The following GRIP2 variants were observed in gnomAD, a reference collection of about 807,000 sequenced individuals.
The protein encoded by GRIP2 is glutamate receptor-interacting protein 2.
A neutral mutation model predicts 108.3 loss-of-function variants in GRIP2; 58 were observed. The ratio of observed to expected loss-of-function variants is 0.54; its 90% CI spans 0.43 to 0.67. The LOEUF (loss-of-function observed/expected upper bound fraction) is 0.67, where lower values mean the gene tolerates loss of function less well. Ranked by LOEUF, GRIP2 falls within the 30% of genes least tolerant of loss-of-function variation. The probability of loss-of-function intolerance (pLI) is 0.00; values close to 1 mark genes in which losing one functional copy is unlikely to be tolerated. For missense variants in GRIP2, 1,278 were observed against 1,430.6 expected (o/e 0.89, Z 1.72); for synonymous variants, 586 against 598.2 (o/e 0.98, Z 0.30).
At chr3:14,508,435 G>C (rs1450745477) in intron 17 of GRIP2, among the ~76,000 whole-genome samples, 2 of 152,230 alleles carry the variant, frequency 1.3e-5, no homozygotes, top group Non-Finnish European at 2.9e-5. Context: ...GCTGTAGCAG[G>C]TGCTTAGAGT....
Position 14,511,272 on chromosome 3 carries a change from A to G in GRIP2, c.1826T>C (p.Ile609Thr). 1.2e-6 allele frequency: 2 copies of G among 1,613,954 alleles called. No individual in the cohort carries two copies. The highest frequency in any genetic ancestry group is 1.7e-6 in the Non-Finnish European group (2 of 1,179,866). Residue 609 changes from isoleucine (I) to threonine (T), a missense_variant, in exon 16 of 24, where the codon ATT becomes ACT. By Grantham distance (89) the Ile-to-Thr change is moderately conservative. Transcript: ENST00000621039. This position sits in a 1 kb window ranked among gnomAD's most constrained non-coding sequence, Gnocchi z 4.1. ...TLEPGDKLLA[I>T]DNIRLDNCPM... is the part of the protein sequence containing the mutation. ...GCAGTTGTCCAGGCGGATATTGTCAATGGCCAGTAGCTTGTCGCCTGGCTC... is the reference window on the plus strand; with the variant it reads ...GCAGTTGTCCAGGCGGATATTGTCAGTGGCCAGTAGCTTGTCGCCTGGCTC...
chr3:14,593,936 G>A, the GRIP2 span, among the ~76,000 whole-genome samples: 2 of 152,206 alleles, frequency 1.3e-5, no homozygotes, highest in Non-Finnish European at 2.9e-5. Flanking sequence ...CTATTTGCAT[G>A]ACCCTGATGG....
chr3:14,563,563 T>C, the GRIP2 span, among the ~76,000 whole-genome samples: 364 of 152,060 alleles, frequency 2.4e-3, 1 homozygote, highest in African/African-American at 8.4e-3. Flanking sequence ...AGGATCTGGC[T>C]TTTCCTCTGA....
chr3:14,531,843 C>A (rs2124943475), intron 1 of GRIP2, among the ~76,000 whole-genome samples: 1 of 152,304 alleles, frequency 6.6e-6, no homozygotes, highest in Non-Finnish European at 1.5e-5. Flanking sequence ...CAGTACTGGG[C>A]TGACACGGGC....
At chr3:14,553,882 G>A (rs757412748) in intron 1 of GRIP2, among the ~76,000 whole-genome samples, 3 of 152,158 alleles carry the variant, frequency 2.0e-5, no homozygotes, top group African/African-American at 4.8e-5. Flanking sequence ...AGTGCCCTCC[G>A]TGAAGGAGTG....
intron 22 of GRIP2, among the ~76,000 whole-genome samples, chr3:14,495,269 G>T (rs1693560843): frequency 1.3e-5 from 2 of 152,180 alleles, no homozygotes; most frequent in Admixed American, 1.3e-4. Context: ...GGCTCTATCA[G>T]GGAGGAGGCC....
intron 13 of GRIP2, 135 bp downstream of exon 13, chr3:14,513,530 C>T: frequency 8.3e-7 from 1 of 1,207,336 alleles, no homozygotes; most frequent in Non-Finnish European, 1.1e-6. Context: ...CCACTATAAG[C>T]TGCAAAGCCC....
At chr3:14,515,896 G>A (rs1404407584) in intron 11 of GRIP2, among the ~76,000 whole-genome samples, 1 of 152,136 alleles carries the variant, frequency 6.6e-6, no homozygotes, top group Non-Finnish European at 1.5e-5. Flanking sequence ...CTCCCAAAGT[G>A]TGGGGATTAC....
At chr3:14,572,485 G>C in the GRIP2 span, among the ~76,000 whole-genome samples, 4 of 150,878 alleles carry the variant, frequency 2.7e-5, no homozygotes, top group Non-Finnish European at 5.9e-5. Flanking sequence ...GGTGGCGGGC[G>C]CCTGTAGTCC....
the GRIP2 span, among the ~76,000 whole-genome samples, chr3:14,568,563 T>C: frequency 6.6e-6 from 1 of 152,134 alleles, no homozygotes; most frequent in Non-Finnish European, 1.5e-5. Flanking sequence ...GAGCGTCTCC[T>C]TGGGACTCAT....
intron 1 of GRIP2, among the ~76,000 whole-genome samples, chr3:14,550,352 T>C (rs1050302921): frequency 7.2e-5 from 11 of 152,228 alleles, no homozygotes. Context: ...TCCGGCTGGC[T>C]GGGGCCTCAT....
At chr3:14,499,541 C>T (rs1398967587) in intron 21 of GRIP2, among the ~76,000 whole-genome samples, 1 of 150,862 alleles carries the variant, frequency 6.6e-6, no homozygotes, top group Non-Finnish European at 1.5e-5. Flanking sequence ...CATGGTGAAA[C>T]CCTGTCTCTA....
intron 9 of GRIP2, among the ~76,000 whole-genome samples, chr3:14,518,436 G>T (rs1694314983): frequency 6.6e-6 from 1 of 152,186 alleles, no homozygotes; most frequent in Non-Finnish European, 1.5e-5. Flanking sequence ...CAAGGCTGAA[G>T]TGCACCACGG....
At chr3:14,575,178 G>A in the GRIP2 span, among the ~76,000 whole-genome samples, 5 of 152,230 alleles carry the variant, frequency 3.3e-5, no homozygotes, top group South Asian at 2.1e-4. Flanking sequence ...CTCTCTACGC[G>A]GCACCTCTAT....
At chr3:14,517,039 G>C in intron 11 of GRIP2, 25 bp downstream of exon 11, 1 of 1,495,406 alleles carries the variant, frequency 6.7e-7, no homozygotes, top group Non-Finnish European at 8.9e-7. Flanking sequence ...GCAGCCCAAG[G>C]AGGAGGGAAG....
Position 14,521,355 on chromosome 3 carries a change from T to C in GRIP2, c.712+287A>G, listed in dbSNP as rs755016643. The C allele has an allele frequency of 2.9e-6, 1 of 349,884 alleles. No homozygotes were observed. The highest frequency in any genetic ancestry group is 5.1e-6 in the Non-Finnish European group (1 of 195,238). The allele number at this position is 349,884 out of a possible 1,614,324, so 21.7% of individuals were successfully genotyped here. ...TCTTTTCTTTTTTCCATAGCACTTA[T>C]TGCCAACTGACATACACCATATCTT... On this transcript the variant is annotated intron_variant, in intron 7 of 23. Coordinates refer to ENST00000621039, the MANE Select transcript of GRIP2 (RefSeq NM_001080423.4). This position sits in a 1 kb window ranked among gnomAD's most constrained non-coding sequence, Gnocchi z 5.1.
chr3:14,520,680 CTTTCTTTTT>C (rs1262393954), intron 7 of GRIP2, 143 bp from the exon 8 acceptor site: 2 of 827,710 alleles, frequency 2.4e-6, no homozygotes, highest in South Asian at 3.7e-5. Flanking sequence ...TATTCCTTTT[CTTTCTTTTT>C]TTATCTTCTA....
At chr3:14,573,896 C>T in the GRIP2 span, 1 of 1,201,002 alleles carries the variant, frequency 8.3e-7, no homozygotes, top group Non-Finnish European at 1.2e-6. Context: ...GGCAGCCCGA[C>T]CTGTCGTTGT....
chr3:14,537,215 C>G (rs1694855458), intron 1 of GRIP2, among the ~76,000 whole-genome samples: 1 of 152,192 alleles, frequency 6.6e-6, no homozygotes, highest in African/African-American at 2.4e-5. Context: ...GCTGTTCCCT[C>G]TGCCCACAAA....
Sources: allele counts gnomAD v4.1 joint callset (sites outside exome capture counted in the v4.1 genomes callset), GRCh38; gene constraint gnomAD v4.1.1; non-coding constraint Gnocchi (gnomAD v3.1); transcripts MANE v1.5; gene names NCBI Gene and HGNC (gene_info 2026-07-23, HGNC 2026-07-21).